Variants in ATM observed in about 807,000 individuals in gnomAD.
The protein encoded by ATM is ATM serine/threonine kinase, also known as serine-protein kinase ATM.
In ATM, 308 loss-of-function variants were observed where a neutral mutation model predicts 387.0. The ratio of observed to expected loss-of-function variants is 0.80; its 90% CI spans 0.73 to 0.87. The LOEUF is 0.87. Ranked by LOEUF, ATM falls within the 40% of genes least tolerant of loss-of-function variation. ATM has a pLI of 0.00. For synonymous variants in ATM, 1,156 were observed against 1,187.3 expected (o/e 0.97, Z 0.54); for missense variants, 3,312 against 3,560.9 (o/e 0.93, Z 1.78).
intron 15 of ATM, among the ~76,000 whole-genome samples, chr11:108,258,520 A>T (rs1192459687): frequency 6.6e-6 from 1 of 152,202 alleles, no homozygotes; most frequent in Non-Finnish European, 1.5e-5. Context: ...TTTGGTAGAA[A>T]GAGTGCTACT....
At chr11:108,257,095 T>C (rs1391120116) in intron 14 of ATM, among the ~76,000 whole-genome samples, 1 of 152,238 alleles carries the variant, frequency 6.6e-6, no homozygotes, top group East Asian at 1.9e-4. Flanking sequence ...ATTGCCACAC[T>C]GTCTTCCACA....
intron 28 of ATM, 74 bp downstream of exon 28, chr11:108,289,177 T>C: frequency 7.0e-7 from 1 of 1,425,656 alleles, no homozygotes; most frequent in Non-Finnish European, 9.6e-7. Context: ...AAATACATCT[T>C]AAAGAGGAAA....
intron 17 of ATM, among the ~76,000 whole-genome samples, chr11:108,268,196 G>GT (rs554636500): frequency 1.5e-3 from 220 of 150,540 alleles, no homozygotes; most frequent in South Asian, 6.9e-3. Flanking sequence ...TTGTCTAAGG[G>GT]TTTTTTTTTC....
chr11:108,258,762 T>C (rs1185505025), intron 15 of ATM, among the ~76,000 whole-genome samples: 1 of 152,202 alleles, frequency 6.6e-6, no homozygotes, highest in Non-Finnish European at 1.5e-5. Flanking sequence ...TCACTTATCT[T>C]TAGGGTCAAT....
At chr11:108,229,490 A>G (rs970576352) in intron 4 of ATM, 167 bp downstream of exon 4, 2 of 709,806 alleles carry the variant, frequency 2.8e-6, no homozygotes, top group Non-Finnish European at 4.4e-6. Flanking sequence ...TATTTTTATT[A>G]AAAGGTTTTT....
Position 108,299,742 on chromosome 11 carries a change from G to A in ATM, c.5034G>A (p.Val1678=), listed in dbSNP as rs1555104548. 6.2e-7 allele frequency: 1 copy of A among 1,613,830 alleles called. No homozygotes were observed. Among genetic ancestry groups the A allele is most frequent in the Non-Finnish European group, 8.5e-7 (1 of 1,179,888 alleles). Residue 1678 remains valine (V), a synonymous_variant, in exon 34 of 63, where the codon GTG becomes GTA. Transcript: ENST00000675843. The part of the protein sequence containing the change: ...LEAVGSCLGE[V]GPIDFSTIAI... ...CTGTTGGAAGCTGCTTGGGAGAAGT[G>A]GGTCCTATAGATTTCTCTACCATAG...
At position 108,312,505 on chromosome 11, in the gene ATM, A is replaced by G. The variant is rs1060504289; in HGVS notation, c.6006+7A>G. On this transcript the variant is annotated splice_region_variant and intron_variant, in intron 40 of 62. Transcript: ENST00000675843. ...AACTGGAATAAGTTTACAGGTAAAT[A>G]TTAGAGGCTCTATTATTTATGACAG... 2.0e-6 allele frequency: 3 copies of G among 1,529,776 alleles called. No individual in the cohort carries two copies. Among genetic ancestry groups the G allele is most frequent in the Non-Finnish European group, 2.7e-6 (3 of 1,103,780 alleles). The allele number at this position is 1,529,776 out of a possible 1,614,324, so 94.8% of individuals were successfully genotyped here. A position where few individuals can be genotyped will look rare whatever the true frequency, so the allele number is the denominator to read the frequency against.
chr11:108,278,313 T>C (rs2082053434), intron 22 of ATM, among the ~76,000 whole-genome samples: 1 of 152,222 alleles, frequency 6.6e-6, no homozygotes, highest in Non-Finnish European at 1.5e-5. Flanking sequence ...CAAGCCCTTA[T>C]TAAATTTCAC....
At chr11:108,252,968 A>T (rs1241316721) in intron 12 of ATM, 56 bp downstream of exon 12, 10 of 1,463,884 alleles carry the variant, frequency 6.8e-6, no homozygotes, top group Non-Finnish European at 9.5e-7. Context: ...AATTACAAAG[A>T]TGATAATTTT....
At position 108,293,893 on chromosome 11, in the gene ATM, A is replaced by T. The variant is rs1268879; in HGVS notation, c.4776+416A>T. Among the ~76,000 whole-genome samples the T allele has an allele frequency of 1.5e-4, 15 of 102,064 alleles. No homozygotes were observed. In the East Asian group the frequency reaches 3.2e-3, roughly 22 times the overall value. 67.0% of individuals were successfully genotyped at this position (102,064 alleles called of 152,430 possible). On this transcript the variant is annotated intron_variant, in intron 31 of 62. Coordinates refer to ENST00000675843, the MANE Select transcript of ATM (RefSeq NM_000051.4). ...ACCCTGTCTCAAAAAAAAAAAAAAAAAATATATATATATATATATATATAT... is the reference window on the plus strand; with the variant it reads ...ACCCTGTCTCAAAAAAAAAAAAAAATAATATATATATATATATATATATAT...
intron 56 of ATM, among the ~76,000 whole-genome samples, chr11:108,341,583 C>T (rs1310040206): frequency 6.6e-6 from 1 of 152,010 alleles, no homozygotes; most frequent in Non-Finnish European, 1.5e-5. Flanking sequence ...AACAGTTCAA[C>T]ATATGTGAGA....
intron 61 of ATM, among the ~76,000 whole-genome samples, chr11:108,357,833 C>T (rs1012585012): frequency 9.9e-5 from 15 of 151,514 alleles, no homozygotes; most frequent in Non-Finnish European, 1.8e-4. Flanking sequence ...GATAAAACCA[C>T]AAAGATGGGG....
intron 17 of ATM, among the ~76,000 whole-genome samples, chr11:108,267,794 G>C (rs571763563): frequency 1.7e-3 from 255 of 152,298 alleles, no homozygotes; most frequent in African/African-American, 5.6e-3. Flanking sequence ...GGAGGTGGAG[G>C]TTGCAGTGAG....
At chr11:108,244,165 T>A in intron 6 of ATM, 47 bp downstream of exon 6, 2 of 1,602,764 alleles carry the variant, frequency 1.2e-6, no homozygotes, top group Admixed American at 3.3e-5. Context: ...ATACTTTTGA[T>A]CTTGCAAGAC....
intron 33 of ATM, chr11:108,299,387 T>G: frequency 7.3e-6 from 2 of 274,758 alleles, no homozygotes; most frequent in Non-Finnish European, 1.4e-5. Flanking sequence ...AGCCTCCGCC[T>G]CCTGGGTTCA....
rs876658628 is a variant in ATM, at chr11:108,271,119, A to T, written c.2894A>T (p.Asp965Val). The change falls in exon 19 of 63, where the codon GAT becomes GTT. Residue 965 changes from aspartate to valine, a missense_variant. Transcript: ENST00000675843. ...GAAGAGTACCCCTTGCCAATGGAAG[A>T]TGTTCTTGAACTTCTGAAACCACTA... ...PGEEYPLPME[D>V]VLELLKPLSN... The T allele has an allele frequency of 1.9e-6, 3 of 1,613,984 alleles. No individual in the cohort carries two copies. The highest frequency in any genetic ancestry group is 1.7e-6 in the Non-Finnish European group (2 of 1,180,028).
chr11:108,365,285 A>G, intron 62 of ATM, 40 bp from the exon 63 acceptor site: 3 of 1,614,166 alleles, frequency 1.9e-6, no homozygotes, highest in Non-Finnish European at 2.5e-6. Flanking sequence ...AGGCCTTTAA[A>G]CTGTTCACCT....
chr11:108,365,359 C>T lies in ATM; in HGVS notation c.9022C>T (p.Arg3008Cys), dbSNP rs587782292. 1.1e-5 allele frequency: 18 copies of T among 1,614,004 alleles called. No homozygotes were observed. Among genetic ancestry groups the T allele is most frequent in the African/African-American group, 2.7e-5 (2 of 74,896 alleles). ...CCAGAGTTTCAACAAAGTAGCTGAACGTGTCTTAATGAGACTACAAGAGAA... is the reference window on the plus strand; with the variant it reads ...CCAGAGTTTCAACAAAGTAGCTGAATGTGTCTTAATGAGACTACAAGAGAA... ...IDQSFNKVAE[R>C]VLMRLQEKLK... Residue 3008 changes from arginine (R) to cysteine (C), a missense_variant, in exon 63 of 63, where the codon CGT (arginine) becomes TGT (cysteine). This residue lies in a region of ATM where 95 missense variants were observed against 100.3 expected (regional missense o/e 0.95). Coordinates refer to ENST00000675843, the MANE Select transcript of ATM (RefSeq NM_000051.4).
chr11:108,298,667 A>G (rs2083249202), intron 33 of ATM, among the ~76,000 whole-genome samples: 1 of 152,224 alleles, frequency 6.6e-6, no homozygotes, highest in African/African-American at 2.4e-5. Context: ...CTGCTGTTCA[A>G]CAGTGTACTG....
Sources: gnomAD v4.1 joint callset for allele counts (sites outside exome capture counted in the v4.1 genomes callset) on GRCh38, gnomAD v4.1.1 for gene constraint, gnomAD v4.1.1 regional missense constraint, MANE v1.5 for transcripts, NCBI Gene and HGNC (gene_info 2026-07-23, HGNC 2026-07-21) for gene names.